The following PREB variants were observed in gnomAD, a reference collection of about 807,000 sequenced individuals.
PREB encodes prolactin regulatory element binding.
A neutral mutation model predicts 46.7 loss-of-function variants in PREB; 29 were observed. The observed-to-expected ratio is 0.62, with a 90% CI of 0.46 to 0.85. PREB has a LOEUF of 0.85. Ranked by LOEUF, PREB falls within the 40% of genes least tolerant of loss-of-function variation. The probability of loss-of-function intolerance (pLI) is 0.00; values close to 1 mark genes in which losing one functional copy is unlikely to be tolerated. For synonymous variants in PREB, 224 were observed against 220.1 expected (o/e 1.02, Z -0.16); for missense variants, 494 against 528.4 (o/e 0.93, Z 0.64).
At position 27,132,929 on chromosome 2, in the gene PREB, G is replaced by A. The variant is rs747810273; in HGVS notation, c.547-6C>T. 6.2e-7 allele frequency: 1 copy of A among 1,613,966 alleles called. No individual in the cohort carries two copies. On this transcript the variant is annotated splice_region_variant and splice_polypyrimidine_tract_variant and intron_variant, in intron 3 of 8. Transcript: ENST00000260643. This position sits in a 1 kb window ranked among gnomAD's most constrained non-coding sequence, Gnocchi z 4.0. ...ACCTTCTCCAGGCTGGGCACCTGTAGCCAAACAACCACCATGGTTAACTCA... is the reference window on the plus strand; with the variant it reads ...ACCTTCTCCAGGCTGGGCACCTGTAACCAAACAACCACCATGGTTAACTCA...
Position 27,132,339 on chromosome 2 carries a change from G to C in PREB, c.817C>G (p.Arg273Gly). 6.2e-7 allele frequency: 1 copy of C among 1,614,002 alleles called. No individual in the cohort carries two copies. Among genetic ancestry groups the C allele is most frequent in the Non-Finnish European group, 8.5e-7 (1 of 1,179,998 alleles). Residue 273 changes from arginine to glycine, a missense_variant, in exon 6 of 9, where the codon CGC becomes GGC. Arg to Gly is a moderately radical substitution (Grantham distance 125). Coordinates refer to ENST00000260643, the MANE Select transcript of PREB (RefSeq NM_013388.6). The surrounding 1 kb of genome is among the most constrained non-coding windows in gnomAD (Gnocchi z 4.0). ...RLFTVQIPHK[R>G]LRQPPPCYLT... ...TAGCAGGGAGGGGGCTGGCGCAGGC[G>C]CTTGTGGGGAATTTGCACTGTGAAG...
Position 27,132,131 on chromosome 2 carries a change from C to G in PREB, c.927-49G>C. On this transcript the variant is annotated intron_variant, in intron 6 of 8. Transcript: ENST00000260643. The surrounding 1 kb of genome is among the most constrained non-coding windows in gnomAD (Gnocchi z 4.0). The stretch of plus-strand genomic sequence containing the variant: ...ATTGTCCTGGAGGCTTGTGCAGCAA[C>G]CCTCATACCCCAATACCGGTCCGTA... The G allele has an allele frequency of 6.2e-7, 1 of 1,608,154 alleles. No homozygotes were observed. Among genetic ancestry groups the G allele is most frequent in the Non-Finnish European group, 8.5e-7 (1 of 1,174,670 alleles).
chr2:27,131,237 G>A lies in PREB; in HGVS notation c.*177C>T. 1 of 634,286 alleles carries A rather than the reference G, an allele frequency of 1.6e-6. No individual in the cohort carries two copies. The highest frequency in any genetic ancestry group is 2.0e-5 in the South Asian group (1 of 50,930). The allele number at this position is 634,286 out of a possible 1,614,324, so 39.3% of individuals were successfully genotyped here. ...GACGAAGGCAAGGTTCCTGGGACCT[G>A]GAGTCACACAGGGCCATAGCCAAGC... is the stretch of plus-strand genomic sequence containing the variant. On this transcript the variant is annotated 3_prime_UTR_variant, in exon 9 of 9. Transcript: ENST00000260643.
Position 27,133,207 on chromosome 2 carries a change from G to A in PREB, c.456C>T (p.Ser152=). Residue 152 remains serine (S), a synonymous_variant, in exon 3 of 9, where the codon AGC becomes AGT. Coordinates refer to ENST00000260643, the MANE Select transcript of PREB (RefSeq NM_013388.6). ...ENLQAVQTDF[S]SDPLQKVVCF... Reference sequence around the variant, plus strand: ...ACACAACTTTCTGCAGTGGATCGGAGCTAAAGTCTGTCTGCACCGCCTGCA... The same window carrying A: ...ACACAACTTTCTGCAGTGGATCGGAACTAAAGTCTGTCTGCACCGCCTGCA... The A allele has an allele frequency of 6.2e-7, 1 of 1,614,224 alleles. No homozygotes were observed. Among genetic ancestry groups the A allele is most frequent in the Non-Finnish European group, 8.5e-7 (1 of 1,180,048 alleles).
intron 1 of PREB, chr2:27,133,973 C>A (rs1227166043): frequency 1.7e-6 from 1 of 603,068 alleles, no homozygotes; most frequent in African/African-American, 1.9e-5. Flanking sequence ...GCACCACTCT[C>A]GCCGCTGCTA....
Position 27,132,574 on chromosome 2 carries a change from C to A in PREB, c.752+29G>T. The A allele has an allele frequency of 1.2e-6, 2 of 1,613,306 alleles. No individual in the cohort carries two copies. The highest frequency in any genetic ancestry group is 3.3e-5 in the Admixed American group (2 of 60,014). On this transcript the variant is annotated intron_variant, in intron 5 of 8. Coordinates refer to ENST00000260643, the MANE Select transcript of PREB (RefSeq NM_013388.6). The surrounding 1 kb of genome is among the most constrained non-coding windows in gnomAD (Gnocchi z 4.0). ...CCCCCACCACAGCTGGGCTATGCCTCTTTCAGCCACCACCCAAAGTCTTCA... is the reference window on the plus strand; with the variant it reads ...CCCCCACCACAGCTGGGCTATGCCTATTTCAGCCACCACCCAAAGTCTTCA...
chr2:27,131,797 A>G lies in PREB; in HGVS notation c.1034T>C (p.Val345Ala). 1 of 1,614,210 alleles carries G rather than the reference A, an allele frequency of 6.2e-7. No homozygotes were observed. The highest frequency in any genetic ancestry group is 2.2e-5 in the East Asian group (1 of 44,876). The part of the protein sequence containing the change: ...LYYVREAHGI[V>A]VTDVAFLPEK... ...AGGTAGAAAGGCCACATCCGTCACC[A>G]CAATGCCATGGGCCTCCCTCACGTA... The change falls in exon 8 of 9, where the codon GTG becomes GCG. Residue 345 changes from valine to alanine, a missense_variant. Coordinates refer to ENST00000260643, the MANE Select transcript of PREB (RefSeq NM_013388.6).
rs1030552879 is a variant in PREB, at chr2:27,134,519, T to C, written c.-98A>G. 2 of 1,387,718 alleles carry C rather than the reference T, an allele frequency of 1.4e-6. No individual in the cohort carries two copies. The highest frequency in any genetic ancestry group is 1.5e-5 in the African/African-American group (1 of 64,944). 86.0% of individuals were successfully genotyped at this position (1,387,718 alleles called of 1,614,324 possible). ...CCGGCGGCTGGTGAACTCGGCCCCG[T>C]CGCCGCCGGGAGCACTCCCTACCCC... On this transcript the variant is annotated 5_prime_UTR_variant, in exon 1 of 9. Transcript: ENST00000260643.
Position 27,134,303 on chromosome 2 carries a change from C to T in PREB, c.119G>A (p.Gly40Asp). 5.6e-6 allele frequency: 9 copies of T among 1,609,198 alleles called. No homozygotes were observed. Among genetic ancestry groups the T allele is most frequent in the Non-Finnish European group, 7.6e-6 (9 of 1,178,574 alleles). ...CGCTCTCACCACGCCATTCTTTATG[C>T]CTGTCTTGGCGGCGCCTCCTCCGCC... ...AAGGGGAAKTGIKNGVHFLQL... is the reference protein window; with the variant it reads ...AAGGGGAAKTDIKNGVHFLQL... Residue 40 changes from glycine to aspartate, a missense_variant, in exon 1 of 9, where the codon GGC (glycine) becomes GAC (aspartate). By Grantham distance (94) the Gly-to-Asp change is moderately conservative. Coordinates refer to ENST00000260643, the MANE Select transcript of PREB (RefSeq NM_013388.6).
rs2148421936 is a variant in PREB, at chr2:27,134,606, T to C, written c.-185A>G. The C allele has an allele frequency of 2.3e-6, 3 of 1,315,236 alleles. No individual in the cohort carries two copies. Among genetic ancestry groups the C allele is most frequent in the Non-Finnish European group, 2.9e-6 (3 of 1,036,704 alleles). 81.5% of individuals were successfully genotyped at this position (1,315,236 alleles called of 1,614,324 possible). Reference sequence around the variant, plus strand: ...GCAGGAAGCCGAGCCTCAGCTCGGCTCCGTCCAAGTCGGTCTCGCAGACGC... The same window carrying C: ...GCAGGAAGCCGAGCCTCAGCTCGGCCCCGTCCAAGTCGGTCTCGCAGACGC... On this transcript the variant is annotated 5_prime_UTR_variant, in exon 1 of 9. Transcript: ENST00000260643.
chr2:27,134,039 G>T, intron 1 of PREB: 1 of 630,216 alleles, frequency 1.6e-6, no homozygotes, highest in Non-Finnish European at 2.7e-6. Context: ...GAGCTGCTCT[G>T]AGGCGGAGCT....
Position 27,133,325 on chromosome 2 carries a change from T to C in PREB, c.338A>G (p.Gln113Arg). The C allele has an allele frequency of 6.2e-7, 1 of 1,614,166 alleles. No homozygotes were observed. The highest frequency in any genetic ancestry group is 8.5e-7 in the Non-Finnish European group (1 of 1,180,044). Residue 113 changes from glutamine (Q) to arginine (R), a missense_variant, in exon 3 of 9, where the codon CAG becomes CGG. Gln to Arg is a conservative substitution (Grantham distance 43). Coordinates refer to ENST00000260643, the MANE Select transcript of PREB (RefSeq NM_013388.6). ...NKAEKAGSKE[Q>R]GPRQRKGAAP... ...TGCTCCCTTCCTTTGTCGAGGCCCC[T>C]GCTCCTTGGAACCTGTAACACAAAC...
Position 27,131,841 on chromosome 2 carries a change from G to A in PREB, c.1000-10C>T. The stretch of plus-strand genomic sequence containing the variant: ...TCACGTAGTAGAGGCACTGTGGGCA[G>A]AAGGAATACCAGTGAGGAAAGGCCT... On this transcript the variant is annotated splice_polypyrimidine_tract_variant and intron_variant, in intron 7 of 8. Coordinates refer to ENST00000260643, the MANE Select transcript of PREB (RefSeq NM_013388.6). 6.2e-7 allele frequency: 1 copy of A among 1,613,440 alleles called. No individual in the cohort carries two copies. The highest frequency in any genetic ancestry group is 8.5e-7 in the Non-Finnish European group (1 of 1,179,612).
In PREB at chr2:27,133,183, C is replaced by T. The variant is rs151284927; in HGVS notation, c.480G>A (p.Val160=). ...GCAGGGTATTATCGTGGTTGAAGCA[C>T]ACAACTTTCTGCAGTGGATCGGAGC... ...DFSSDPLQKV[V]CFNHDNTLLA... is the part of the protein sequence containing the mutation. The change falls in exon 3 of 9, where the codon GTG becomes GTA. Residue 160 remains valine (V), a synonymous_variant. Coordinates refer to ENST00000260643, the MANE Select transcript of PREB (RefSeq NM_013388.6). 12 of 1,614,116 alleles carry T rather than the reference C, an allele frequency of 7.4e-6. No individual in the cohort carries two copies. In the African/African-American group the frequency reaches 1.3e-4, roughly 18 times the overall value.
At chr2:27,131,602 G>C in intron 8 of PREB, 70 bp downstream of exon 8, 1 of 1,597,212 alleles carries the variant, frequency 6.3e-7, no homozygotes, top group Non-Finnish European at 8.6e-7. Flanking sequence ...AAAGAGCCCA[G>C]CCTCCGGGGG....
chr2:27,131,114 G>A lies in PREB; in HGVS notation c.*300C>T, dbSNP rs11538093. Reference sequence around the variant, plus strand: ...GGCATCTTCACATGTTTCTAGATAAGGACAAGCTCAACTCTGGAGCCTCTG... The same window carrying A: ...GGCATCTTCACATGTTTCTAGATAAAGACAAGCTCAACTCTGGAGCCTCTG... On this transcript the variant is annotated 3_prime_UTR_variant, in exon 9 of 9. Transcript: ENST00000260643. 2.0e-6 allele frequency: 1 copy of A among 506,522 alleles called. No homozygotes were observed. Among genetic ancestry groups the A allele is most frequent in the Non-Finnish European group, 3.5e-6 (1 of 283,618 alleles). 31.4% of individuals were successfully genotyped at this position (506,522 alleles called of 1,614,324 possible).
intron 2 of PREB, 73 bp from the exon 3 acceptor site, chr2:27,133,410 T>C (rs2289359): frequency 0.16 from 255,814 of 1,595,426 alleles, 21,390 homozygotes; most frequent in African/African-American, 0.24. Flanking sequence ...CCATGGCAGG[T>C]GCCCATACAA....
In PREB at chr2:27,132,308, G is replaced by A. The variant is rs758905343; in HGVS notation, c.848C>T (p.Thr283Ile). 5 of 1,614,182 alleles carry A rather than the reference G, an allele frequency of 3.1e-6. No individual in the cohort carries two copies. The Admixed American group carries it at 6.7e-5, about 22-fold the overall frequency. The change falls in exon 6 of 9, where the codon ACA becomes ATA. Residue 283 changes from threonine to isoleucine, a missense_variant. Physicochemically the swap from Thr to Ile is moderately conservative, Grantham distance 89. Coordinates refer to ENST00000260643, the MANE Select transcript of PREB (RefSeq NM_013388.6). This position sits in a 1 kb window ranked among gnomAD's most constrained non-coding sequence, Gnocchi z 4.0. ...RLRQPPPCYL[T>I]AWDGSNFLPL... ...CAAGAAGTTGGAGCCATCCCAGGCT[G>A]TGAGGTAGCAGGGAGGGGGCTGGCG...
Position 27,132,194 on chromosome 2 carries a change from G to A in PREB, c.926+36C>T. 2 of 1,613,426 alleles carry A rather than the reference G, an allele frequency of 1.2e-6. No individual in the cohort carries two copies. The highest frequency in any genetic ancestry group is 1.7e-6 in the Non-Finnish European group (2 of 1,179,380). On this transcript the variant is annotated intron_variant, in intron 6 of 8. Transcript: ENST00000260643. This position sits in a 1 kb window ranked among gnomAD's most constrained non-coding sequence, Gnocchi z 4.0. ...GGACTCCTTTCCAAGCTCCCTCAGG[G>A]ACCCCCTACCTAGCCAAGGCAGCAA... is the stretch of plus-strand genomic sequence containing the variant.
Sources: gnomAD v4.1 joint callset for allele counts on GRCh38, gnomAD v4.1.1 for gene constraint, Gnocchi (gnomAD v3.1) non-coding constraint, MANE v1.5 for transcripts, NCBI Gene and HGNC (gene_info 2026-07-23, HGNC 2026-07-21) for gene names.